Variants in GAB3 observed in about 807,000 individuals in gnomAD.
GAB3 encodes the protein GRB2-associated-binding protein 3.
A neutral mutation model predicts 40.4 loss-of-function variants in GAB3; 12 were observed. The ratio of observed to expected loss-of-function variants is 0.30; its 90% CI spans 0.19 to 0.48. GAB3 has a LOEUF of 0.48. Among genes scored for constraint, GAB3 ranks in the 20% least tolerant of loss-of-function variants. GAB3 has a pLI of 0.99. For missense variants in GAB3, 381 were observed against 461.9 expected (o/e 0.82, Z 1.61); for synonymous variants, 154 against 176.7 (o/e 0.87, Z 1.02).
intron 1 of GAB3, among the ~76,000 whole-genome samples, chrX:154,717,389 G>C (rs191667787): frequency 2.7e-5 from 3 of 111,040 alleles, no homozygotes; most frequent in African/African-American, 6.6e-5. Context: ...GTGGGGGGTG[G>C]GGCATGGCAG....
chrX:154,688,164 A>AT (rs1267682536), intron 8 of GAB3, among the ~76,000 whole-genome samples: 8 of 112,369 alleles, frequency 7.1e-5, no homozygotes, highest in Non-Finnish European at 1.1e-4. Flanking sequence ...ACTTAATTAA[A>AT]TTTTTAAATG....
chrX:154,704,040 G>A (rs1007740246), intron 4 of GAB3, among the ~76,000 whole-genome samples: 1 of 111,643 alleles, frequency 9.0e-6, no homozygotes, highest in African/African-American at 3.3e-5. Context: ...ACATATATAC[G>A]ATAGAGTACT....
At chrX:154,749,581 T>C (rs1206760879) in intron 1 of GAB3, among the ~76,000 whole-genome samples, 2 of 112,657 alleles carry the variant, frequency 1.8e-5, no homozygotes, top group Non-Finnish European at 3.8e-5. Context: ...TATGGACTCC[T>C]GGACTCAAAA....
At chrX:154,714,702 T>C (rs2071018847) in intron 2 of GAB3, among the ~76,000 whole-genome samples, 2 of 112,025 alleles carry the variant, frequency 1.8e-5, no homozygotes, top group Admixed American at 9.5e-5. Flanking sequence ...GGAAACATAT[T>C]ATATATGTAT....
intron 1 of GAB3, among the ~76,000 whole-genome samples, chrX:154,750,688 C>T: frequency 8.9e-6 from 1 of 112,732 alleles, no homozygotes; most frequent in Non-Finnish European, 1.9e-5. Context: ...AGCCCCAACC[C>T]GCCTCCCTCC....
chrX:154,717,171 TAAAG>T (rs1300457128), intron 1 of GAB3, among the ~76,000 whole-genome samples: 5 of 110,997 alleles, frequency 4.5e-5, no homozygotes, highest in Non-Finnish European at 9.5e-5. Context: ...AGTTAAAAAA[TAAAG>T]AGAGAGAGGA....
chrX:154,750,014 G>A (rs1276917478), intron 1 of GAB3, among the ~76,000 whole-genome samples: 3 of 112,857 alleles, frequency 2.7e-5, no homozygotes, highest in Non-Finnish European at 5.6e-5. Context: ...TTGGATGAGC[G>A]CAGACATGCG....
intron 2 of GAB3, among the ~76,000 whole-genome samples, 163 bp from the exon 3 acceptor site, chrX:154,713,589 A>G (rs2070991272): frequency 9.4e-6 from 1 of 106,332 alleles, no homozygotes; most frequent in Non-Finnish European, 1.9e-5. Context: ...TGTCTGGGAA[A>G]GAAGGCCAAT....
chrX:154,684,988 C>T (rs1557247518), intron 8 of GAB3, among the ~76,000 whole-genome samples: 1 of 111,709 alleles, frequency 9.0e-6, no homozygotes, highest in Non-Finnish European at 1.9e-5. Flanking sequence ...ATGTTTTTAA[C>T]TCCTCGTTCT....
intron 1 of GAB3, among the ~76,000 whole-genome samples, chrX:154,738,981 G>A (rs1014142577): frequency 2.7e-5 from 3 of 111,173 alleles, no homozygotes; most frequent in South Asian, 7.5e-4. Context: ...TTACAATGAA[G>A]GTACAGATTC....
intron 4 of GAB3, among the ~76,000 whole-genome samples, chrX:154,704,646 A>T (rs1022886688): frequency 8.9e-6 from 1 of 111,941 alleles, no homozygotes; most frequent in Non-Finnish European, 1.9e-5. Context: ...AAAGATAAAC[A>T]AAATCAATAA....
chrX:154,686,909 G>T (rs2070458450), intron 8 of GAB3, among the ~76,000 whole-genome samples: 1 of 111,773 alleles, frequency 8.9e-6, no homozygotes, highest in African/African-American at 3.3e-5. Flanking sequence ...GAATAAATGA[G>T]CCAGGCGCGA....
chrX:154,694,555 TTTTTGTA>T (rs1265995857), intron 8 of GAB3, among the ~76,000 whole-genome samples: 2 of 110,153 alleles, frequency 1.8e-5, no homozygotes, highest in East Asian at 2.8e-4. Context: ...CCTGGCTAAT[TTTTTGTA>T]TTTTGTATTT....
intron 8 of GAB3, among the ~76,000 whole-genome samples, chrX:154,689,702 C>T (rs782266214): frequency 9.0e-6 from 1 of 111,084 alleles, no homozygotes; most frequent in East Asian, 2.8e-4. Flanking sequence ...AGGAATCCAA[C>T]TTACAAGGGA....
intron 9 of GAB3, 45 bp downstream of exon 9, chrX:154,680,087 G>A (rs880001671): frequency 2.2e-6 from 2 of 892,942 alleles, no homozygotes; most frequent in South Asian, 4.2e-5. Flanking sequence ...AGTCTAGGCA[G>A]AGATGGAATC....
chrX:154,748,768 C>CT (rs1158338824), intron 1 of GAB3, among the ~76,000 whole-genome samples: 5 of 111,683 alleles, frequency 4.5e-5, no homozygotes, highest in African/African-American at 1.3e-4. Flanking sequence ...GGAATCAAGT[C>CT]TTTTTTTTCT....
At chrX:154,751,105 C>G (rs1557262638), upstream of GAB3, 2 of 747,332 alleles carry the variant, frequency 2.7e-6, no homozygotes, top group Non-Finnish European at 3.2e-6. Context: ...GCCGGCGGGG[C>G]GGGCCCAGCG....
chrX:154,731,289 G>GT (rs1557259945), intron 1 of GAB3, among the ~76,000 whole-genome samples: 2 of 111,816 alleles, frequency 1.8e-5, no homozygotes, highest in African/African-American at 6.5e-5. Flanking sequence ...TTAAACTCTG[G>GT]TAAGTTCTGT....
intron 4 of GAB3, among the ~76,000 whole-genome samples, chrX:154,701,000 T>C (rs2070732975): frequency 8.9e-6 from 1 of 111,877 alleles, no homozygotes; most frequent in Non-Finnish European, 1.9e-5. Context: ...TGTGTATGTA[T>C]ATATGTATAT....
Sources: allele counts gnomAD v4.1 joint callset (sites outside exome capture counted in the v4.1 genomes callset), GRCh38; gene constraint gnomAD v4.1.1; transcripts MANE v1.5; gene names NCBI Gene and HGNC (gene_info 2026-07-23, HGNC 2026-07-21).